The following HECW1 variants were observed in gnomAD, a reference collection of about 807,000 sequenced individuals.
HECW1 encodes HECT, C2 and WW domain containing E3 ubiquitin protein ligase 1.
In HECW1, 61 loss-of-function variants were observed where a neutral mutation model predicts 182.3. The ratio of observed to expected loss-of-function variants is 0.33; its 90% confidence interval spans 0.27 to 0.41. HECW1 has a LOEUF of 0.41. Ranked by LOEUF, HECW1 falls within the 10% of genes least tolerant of loss-of-function variation. The pLI, the probability that HECW1 is intolerant of heterozygous loss-of-function variation, is 1.00. For synonymous variants in HECW1, 859 were observed against 832.6 expected (o/e 1.03, Z -0.55); for missense variants, 1,739 against 2,108.9 (o/e 0.82, Z 3.44).
At chr7:43,178,446 A>G (rs1298019891) in intron 2 of HECW1, among the ~76,000 whole-genome samples, 1 of 152,222 alleles carries the variant, frequency 6.6e-6, no homozygotes, top group African/African-American at 2.4e-5. Flanking sequence ...TTACCCAGGA[A>G]TTTACTGGAT....
chr7:43,445,390 G>C lies in HECW1; in HGVS notation c.2218G>C (p.Glu740Gln). The change falls in exon 11 of 30, where the codon GAG becomes CAG. Residue 740 changes from glutamate (E) to glutamine (Q), a missense_variant. Around this residue, in one of 5 missense-constraint regions of HECW1, gnomAD observed 971 missense variants for 1,029.1 expected, o/e 0.94. Coordinates refer to ENST00000395891, the MANE Select transcript of HECW1 (RefSeq NM_015052.5). ...GGTCTTCTCCTCGCAAGACGACGAGGAGGAGGAGAACAGCGCGTTCGAGTC... is the reference window on the plus strand; with the variant it reads ...GGTCTTCTCCTCGCAAGACGACGAGCAGGAGGAGAACAGCGCGTTCGAGTC... ...STVFSSQDDE[E>Q]EENSAFESVP... The C allele has an allele frequency of 6.2e-7, 1 of 1,613,730 alleles. No homozygotes were observed. The highest frequency in any genetic ancestry group is 8.5e-7 in the Non-Finnish European group (1 of 1,180,020).
chr7:43,223,143 A>C lies in HECW1; in HGVS notation c.-31-20732A>C, dbSNP rs943848462. On this transcript the variant is annotated intron_variant, in intron 2 of 29. Transcript: ENST00000395891. ...TCCTTCTCTTTCTATCCTGCTCCAC[A>C]TTCAGTTTAGCAGCAGATCCTTTGC... 5.9e-5 allele frequency among the ~76,000 whole-genome samples: 9 copies of C among 152,182 alleles called. No individual in the cohort carries two copies. The South Asian group carries it at 1.9e-3, about 32-fold the overall frequency.
intron 2 of HECW1, among the ~76,000 whole-genome samples, chr7:43,158,255 C>G (rs893296634): frequency 6.6e-6 from 1 of 152,064 alleles, no homozygotes; most frequent in Admixed American, 6.6e-5. Context: ...ATACATAAAC[C>G]ATAAAAATTA....
At chr7:43,118,772 AC>A (rs1231394483) in intron 2 of HECW1, among the ~76,000 whole-genome samples, 1 of 151,900 alleles carries the variant, frequency 6.6e-6, no homozygotes, top group African/African-American at 2.4e-5. Flanking sequence ...CCCCCTGCCT[AC>A]CCCCAGCATT....
chr7:43,126,802 CTGATCAGTGATCTT>C (rs1180609470), intron 2 of HECW1, among the ~76,000 whole-genome samples: 1 of 152,150 alleles, frequency 6.6e-6, no homozygotes, highest in Non-Finnish European at 1.5e-5. Flanking sequence ...ATGGTGATCT[CTGATCAGTGATCTT>C]TGATGTTACT....
chr7:43,113,890 G>C (rs1048460103), intron 1 of HECW1: 13 of 255,216 alleles, frequency 5.1e-5, no homozygotes, highest in South Asian at 1.2e-4. Flanking sequence ...CTTGCACACA[G>C]AGGCTGGGCA....
intron 8 of HECW1, among the ~76,000 whole-genome samples, chr7:43,433,523 G>T (rs187936378): frequency 6.6e-6 from 1 of 152,206 alleles, no homozygotes; most frequent in Non-Finnish European, 1.5e-5. Flanking sequence ...CAACATCTGC[G>T]CTTAAACAAA....
At chr7:43,177,174 T>C (rs1383394812) in intron 2 of HECW1, among the ~76,000 whole-genome samples, 1 of 152,170 alleles carries the variant, frequency 6.6e-6, no homozygotes, top group Non-Finnish European at 1.5e-5. Flanking sequence ...AAACAGAAGC[T>C]TGGACCCTGG....
chr7:43,139,414 G>C (rs1399112733), intron 2 of HECW1, among the ~76,000 whole-genome samples: 1 of 152,220 alleles, frequency 6.6e-6, no homozygotes, highest in Non-Finnish European at 1.5e-5. Flanking sequence ...TAGAGGATGA[G>C]TCAAAGACGC....
chr7:43,422,914 TCG>T (rs2076236537), intron 8 of HECW1, among the ~76,000 whole-genome samples: 1 of 144,452 alleles, frequency 6.9e-6, no homozygotes, highest in Non-Finnish European at 1.5e-5. Flanking sequence ...TGGAGATAAA[TCG>T]CAGTGCCTGG....
intron 3 of HECW1, 128 bp from the exon 4 acceptor site, chr7:43,311,635 C>A: frequency 1.2e-6 from 1 of 862,736 alleles, no homozygotes; most frequent in Non-Finnish European, 2.0e-6. Context: ...TGCCATGTTT[C>A]ATATCTGCCC....
At chr7:43,455,422 G>A (rs567917581) in intron 12 of HECW1, among the ~76,000 whole-genome samples, 164 of 152,132 alleles carry the variant, frequency 1.1e-3, no homozygotes, top group Middle Eastern at 3.4e-3. Flanking sequence ...ATCTAAATTC[G>A]CACATCCAAG....
At chr7:43,550,224 G>A (rs2081751215) in intron 26 of HECW1, among the ~76,000 whole-genome samples, 1 of 152,192 alleles carries the variant, frequency 6.6e-6, no homozygotes, top group African/African-American at 2.4e-5. Context: ...GGAATGCAGG[G>A]CTGCAATAAG....
intron 6 of HECW1, among the ~76,000 whole-genome samples, chr7:43,377,014 A>G (rs1451248865): frequency 6.6e-6 from 1 of 152,134 alleles, no homozygotes; most frequent in Non-Finnish European, 1.5e-5. Flanking sequence ...CTTACTTCCC[A>G]AGGATCTCAC....
intron 17 of HECW1, among the ~76,000 whole-genome samples, chr7:43,483,780 C>T (rs2078525708): frequency 6.6e-6 from 1 of 152,016 alleles, no homozygotes; most frequent in Admixed American, 6.6e-5. Flanking sequence ...AACTCTTGAC[C>T]TCAAGTGATC....
At chr7:43,396,665 G>T (rs1028581165) in intron 6 of HECW1, 149 bp from the exon 7 acceptor site, 1 of 588,300 alleles carries the variant, frequency 1.7e-6, no homozygotes, top group Admixed American at 2.7e-5. Context: ...TTGCTAGAAA[G>T]TTGTTTTAAT....
At chr7:43,324,684 T>C (rs1008522029) in intron 5 of HECW1, among the ~76,000 whole-genome samples, 2 of 152,220 alleles carry the variant, frequency 1.3e-5, no homozygotes, top group African/African-American at 2.4e-5. Flanking sequence ...ATTAATCTAA[T>C]TGGTAAATTA....
chr7:43,166,778 C>A (rs541691544), intron 2 of HECW1, among the ~76,000 whole-genome samples: 3 of 152,128 alleles, frequency 2.0e-5, no homozygotes, highest in Non-Finnish European at 4.4e-5. Context: ...GGAAAGGGCC[C>A]ATTTGAATTA....
intron 16 of HECW1, among the ~76,000 whole-genome samples, chr7:43,470,505 C>T (rs1295153601): frequency 1.3e-5 from 2 of 152,194 alleles, no homozygotes; most frequent in Non-Finnish European, 2.9e-5. Context: ...TTCTCCATGG[C>T]ACACATGCAG....
Sources: gnomAD v4.1 joint callset for allele counts (sites outside exome capture counted in the v4.1 genomes callset) on GRCh38, gnomAD v4.1.1 for gene constraint, gnomAD v4.1.1 regional missense constraint, MANE v1.5 for transcripts, NCBI Gene and HGNC (gene_info 2026-07-23, HGNC 2026-07-21) for gene names.